Variants in CSMD1 observed in about 807,000 individuals in gnomAD.
CSMD1 encodes CUB and sushi domain-containing protein 1.
CSMD1 carries 213 observed loss-of-function variants against 417.5 expected under a neutral mutation model. The ratio of observed to expected loss-of-function variants is 0.51; its 90% CI spans 0.46 to 0.57. CSMD1 has a LOEUF of 0.57. Ranked by LOEUF, CSMD1 falls within the 20% of genes least tolerant of loss-of-function variation. The pLI, the probability that CSMD1 is intolerant of heterozygous loss-of-function variation, is 0.00. For synonymous variants in CSMD1, 2,862 were observed against 1,736.8 expected (o/e 1.65, Z -16.11); for missense variants, 6,923 against 4,529.7 (o/e 1.53, Z -15.17).
At chr8:4,448,127 C>T (rs778809373) in intron 2 of CSMD1, among the ~76,000 whole-genome samples, 2 of 152,182 alleles carry the variant, frequency 1.3e-5, no homozygotes, top group Non-Finnish European at 2.9e-5. Flanking sequence ...CTAGTTCTCA[C>T]TTTTACCAAT....
chr8:4,294,379 G>T (rs935007706), intron 3 of CSMD1, among the ~76,000 whole-genome samples: 1 of 152,174 alleles, frequency 6.6e-6, no homozygotes, highest in African/African-American at 2.4e-5. Flanking sequence ...GAGAGTGCAA[G>T]ATGTCACCGT....
intron 10 of CSMD1, among the ~76,000 whole-genome samples, chr8:3,559,761 T>G (rs1393716586): frequency 6.6e-6 from 1 of 152,168 alleles, no homozygotes; most frequent in African/African-American, 2.4e-5. Flanking sequence ...ACATTTCAAA[T>G]TTATTGTGGA....
At chr8:2,995,571 C>G (rs1349314900) in intron 54 of CSMD1, among the ~76,000 whole-genome samples, 1 of 152,108 alleles carries the variant, frequency 6.6e-6, no homozygotes, top group African/African-American at 2.4e-5. Flanking sequence ...AAAATGAAAA[C>G]TTATAACCAC....
Position 2,974,561 on chromosome 8 carries a change from T to G in CSMD1, c.8630A>C (p.Tyr2877Ser), listed in dbSNP as rs759569259. 6.2e-7 allele frequency: 1 copy of G among 1,613,044 alleles called. No homozygotes were observed. Among genetic ancestry groups the G allele is most frequent in the African/African-American group, 1.3e-5 (1 of 74,920 alleles). The change falls in exon 56 of 70, where the codon TAT becomes TCT. Residue 2877 changes from tyrosine to serine, a missense_variant. Physicochemically the swap from Tyr to Ser is moderately radical, Grantham distance 144 (BLOSUM62 -2). Coordinates refer to ENST00000635120, the MANE Select transcript of CSMD1 (RefSeq NM_033225.6). ...GCAGGAGTAGTGCACGACGGCGCCA[T>G]AGGTAAACAGCTCTCCAGTGAGGAC... is the stretch of plus-strand genomic sequence containing the variant. The part of the protein sequence containing the change: ...NAVLTGELFT[Y>S]GAVVHYSCRG...
chr8:3,688,669 G>A (rs1005205381), intron 7 of CSMD1, among the ~76,000 whole-genome samples: 4 of 152,202 alleles, frequency 2.6e-5, no homozygotes, highest in Non-Finnish European at 5.9e-5. Context: ...AAATTTCGTG[G>A]CAGTTCTGCA....
chr8:3,382,887 G>GT, intron 18 of CSMD1, among the ~76,000 whole-genome samples: 1 of 151,826 alleles, frequency 6.6e-6, no homozygotes, highest in Non-Finnish European at 1.5e-5. Context: ...GATTTCTTTA[G>GT]TTTTCCAAGA....
At chr8:3,510,073 A>G (rs1230495139) in intron 10 of CSMD1, among the ~76,000 whole-genome samples, 17 of 152,218 alleles carry the variant, frequency 1.1e-4, no homozygotes, top group Admixed American at 1.1e-3. Context: ...GATAAAGAAA[A>G]TGAATTCATT....
intron 1 of CSMD1, among the ~76,000 whole-genome samples, chr8:4,702,855 T>G (rs947299895): frequency 2.0e-5 from 3 of 152,164 alleles, no homozygotes; most frequent in Non-Finnish European, 4.4e-5. Context: ...ATGGATAACA[T>G]TATTAAAGAA....
chr8:3,511,686 C>T (rs982363095), intron 10 of CSMD1, among the ~76,000 whole-genome samples: 3 of 151,416 alleles, frequency 2.0e-5, no homozygotes, highest in African/African-American at 4.9e-5. Context: ...TGAACTGGGG[C>T]GGTGGAGGTT....
At chr8:4,052,125 A>G (rs1027212312) in intron 3 of CSMD1, among the ~76,000 whole-genome samples, 3 of 151,948 alleles carry the variant, frequency 2.0e-5, no homozygotes, top group Non-Finnish European at 4.4e-5. Flanking sequence ...GGGTTTCACC[A>G]TGTTGGTCAG....
chr8:3,797,693 T>G (rs1413136318), intron 5 of CSMD1, among the ~76,000 whole-genome samples: 1 of 151,998 alleles, frequency 6.6e-6, no homozygotes, highest in Non-Finnish European at 1.5e-5. Context: ...TTGTTTCACC[T>G]TTTGGCTAAT....
intron 1 of CSMD1, among the ~76,000 whole-genome samples, chr8:4,894,553 A>G (rs1804349210): frequency 1.1e-4 from 1 of 9,462 alleles, no homozygotes; most frequent in Non-Finnish European, 4.4e-4. Flanking sequence ...AACTCATCTC[A>G]AAAAAGAAAA....
chr8:3,347,377 T>C (rs1385013915), intron 22 of CSMD1, among the ~76,000 whole-genome samples: 1 of 152,194 alleles, frequency 6.6e-6, no homozygotes, highest in Admixed American at 6.5e-5. Context: ...AGCTGGGATT[T>C]TGTCAATCAA....
chr8:4,035,307 G>A (rs903239759), intron 3 of CSMD1, among the ~76,000 whole-genome samples: 1 of 152,144 alleles, frequency 6.6e-6, no homozygotes, highest in Admixed American at 6.5e-5. Flanking sequence ...GCATATGCTT[G>A]ATGATAATAG....
At chr8:3,580,652 G>C (rs1800343639) in intron 9 of CSMD1, among the ~76,000 whole-genome samples, 1 of 152,132 alleles carries the variant, frequency 6.6e-6, no homozygotes, top group African/African-American at 2.4e-5. Flanking sequence ...CAGGAGTCAG[G>C]AAACAGCAGC....
At chr8:4,306,505 AC>A (rs1264077650) in intron 3 of CSMD1, among the ~76,000 whole-genome samples, 2 of 152,126 alleles carry the variant, frequency 1.3e-5, no homozygotes, top group Non-Finnish European at 2.9e-5. Context: ...CATTTCTAGA[AC>A]CACTGATATC....
chr8:4,182,756 T>A (rs921321930), intron 3 of CSMD1, among the ~76,000 whole-genome samples: 1 of 152,050 alleles, frequency 6.6e-6, no homozygotes. Context: ...TTTTTTTTTC[T>A]CACTAGTAAT....
intron 12 of CSMD1, among the ~76,000 whole-genome samples, chr8:3,427,017 C>G (rs989020486): frequency 9.2e-5 from 14 of 152,078 alleles, no homozygotes; most frequent in Admixed American, 9.2e-4. Context: ...GGGGAATTAC[C>G]AAACACTTAT....
At chr8:4,232,175 A>C (rs1057246580) in intron 3 of CSMD1, among the ~76,000 whole-genome samples, 3 of 152,182 alleles carry the variant, frequency 2.0e-5, no homozygotes, top group Admixed American at 6.5e-5. Context: ...GTGTATTGAG[A>C]AACACTTGTC....
Sources: gnomAD v4.1 joint callset for allele counts (sites outside exome capture counted in the v4.1 genomes callset) on GRCh38, gnomAD v4.1.1 for gene constraint, MANE v1.5 for transcripts, NCBI Gene and HGNC (gene_info 2026-07-23, HGNC 2026-07-21) for gene names.